The following ITSN1 variants were observed in gnomAD, a reference collection of about 807,000 sequenced individuals.
The protein encoded by ITSN1 is intersectin 1.
ITSN1 carries 58 observed loss-of-function variants against 239.8 expected under a neutral mutation model. That is an observed-to-expected ratio of 0.24 (90% confidence interval 0.20 to 0.30). The LOEUF (loss-of-function observed/expected upper bound fraction) is 0.30. Among genes scored for constraint, ITSN1 ranks in the 10% least tolerant of loss-of-function variants. The pLI, the probability that ITSN1 is intolerant of heterozygous loss-of-function variation, is 1.00. For missense variants in ITSN1, 1,558 were observed against 2,103.3 expected, an observed-to-expected ratio of 0.74 and a Z score of 5.07; for synonymous variants, 780 against 770.8, an observed-to-expected ratio of 1.01 and a Z score of -0.20.
chr21:33,828,802 A>G (rs112246523), intron 26 of ITSN1, among the ~76,000 whole-genome samples: 1 of 151,986 alleles, frequency 6.6e-6, no homozygotes, highest in Non-Finnish European at 1.5e-5. Flanking sequence ...GTCTCTTCAT[A>G]CTCAGTCTCC....
rs138217842 is a variant in ITSN1, at chr21:33,772,155, G to A, written c.1137G>A (p.Glu379=). The change falls in exon 12 of 40, where the codon GAG becomes GAA. Residue 379 remains glutamate (E), a synonymous_variant. Coordinates refer to ENST00000381318, the MANE Select transcript of ITSN1 (RefSeq NM_003024.3). Reference sequence around the variant, plus strand: ...CTCTCCTGGAACAGCAGCGCAAGGAGCAGGAGCGCCTGGCCCAGCTGGAGC... The same window carrying A: ...CTCTCCTGGAACAGCAGCGCAAGGAACAGGAGCGCCTGGCCCAGCTGGAGC... ...RQALLEQQRK[E]QERLAQLERA... 2.5e-6 allele frequency: 4 copies of A among 1,614,120 alleles called. No individual in the cohort carries two copies. The highest frequency in any genetic ancestry group is 2.7e-5 in the African/African-American group (2 of 74,938).
At chr21:33,841,498 C>G (rs1389853867) in intron 29 of ITSN1, among the ~76,000 whole-genome samples, 1 of 152,186 alleles carries the variant, frequency 6.6e-6, no homozygotes, top group Non-Finnish European at 1.5e-5. Context: ...GGAGACCATG[C>G]TGTCTCTCCA....
At chr21:33,862,260 G>T (rs1428757952) in intron 31 of ITSN1, among the ~76,000 whole-genome samples, 1 of 150,926 alleles carries the variant, frequency 6.6e-6, no homozygotes, top group Non-Finnish European at 1.5e-5. Context: ...TTTATCAAGA[G>T]GCTTTCCTGT....
intron 14 of ITSN1, among the ~76,000 whole-genome samples, chr21:33,779,532 T>C (rs1245442985): frequency 6.6e-6 from 1 of 152,184 alleles, no homozygotes; most frequent in African/African-American, 2.4e-5. Context: ...TTAGGTAGAG[T>C]GTTCCCTAAA....
At chr21:33,874,876 T>C (rs1053687711) in intron 33 of ITSN1, among the ~76,000 whole-genome samples, 1 of 152,156 alleles carries the variant, frequency 6.6e-6, no homozygotes, top group African/African-American at 2.4e-5. Flanking sequence ...CTCGATCTCT[T>C]GACCTTGTGA....
intron 1 of ITSN1, among the ~76,000 whole-genome samples, chr21:33,670,232 G>A (rs905675614): frequency 6.6e-6 from 1 of 152,116 alleles, no homozygotes; most frequent in Non-Finnish European, 1.5e-5. Context: ...ACATGTGCCT[G>A]TGGTTCCAGC....
intron 24 of ITSN1, among the ~76,000 whole-genome samples, chr21:33,819,996 T>A (rs990280925): frequency 3.2e-4 from 48 of 152,066 alleles, no homozygotes; most frequent in South Asian, 8.3e-4. Context: ...CTCAAAAAAA[T>A]AAAATAAAAT....
intron 33 of ITSN1, among the ~76,000 whole-genome samples, chr21:33,868,538 C>A (rs1982119095): frequency 6.6e-6 from 1 of 152,230 alleles, no homozygotes; most frequent in Non-Finnish European, 1.5e-5. Context: ...ACCCAGTACA[C>A]CCTCCGCAGC....
intron 1 of ITSN1, among the ~76,000 whole-genome samples, chr21:33,713,240 T>TTTTTTG (rs910914090): frequency 2.9e-4 from 44 of 151,814 alleles, no homozygotes; most frequent in Admixed American, 3.9e-4. Context: ...ATGGTAGCCT[T>TTTTTTG]TTTTTGTTTT....
chr21:33,645,224 T>A (rs1048362461), intron 1 of ITSN1, among the ~76,000 whole-genome samples: 3 of 152,206 alleles, frequency 2.0e-5, no homozygotes, highest in Non-Finnish European at 4.4e-5. Flanking sequence ...CACCTCAAAT[T>A]CTTCTGCCAT....
At chr21:33,721,387 T>C in intron 3 of ITSN1, 117 bp downstream of exon 3, 1 of 705,720 alleles carries the variant, frequency 1.4e-6, no homozygotes, top group Admixed American at 2.3e-5. Flanking sequence ...TTTACCTGTT[T>C]TGCCCTAACC....
chr21:33,759,826 A>T (rs1251970867), intron 8 of ITSN1, among the ~76,000 whole-genome samples: 1 of 152,138 alleles, frequency 6.6e-6, no homozygotes, highest in Non-Finnish European at 1.5e-5. Context: ...CAGGCCGGGC[A>T]CAGTGACTCA....
intron 39 of ITSN1, among the ~76,000 whole-genome samples, chr21:33,887,504 G>A (rs1242378945): frequency 6.6e-6 from 1 of 152,058 alleles, no homozygotes; most frequent in Non-Finnish European, 1.5e-5. Context: ...GTGGTAGCTG[G>A]TTAAATGTTT....
rs933983182 is a variant in ITSN1 at position 33,717,538 on chromosome 21, C to T, written c.-32-1259C>T. On this transcript the variant is annotated intron_variant, in intron 1 of 39. Coordinates refer to ENST00000381318, the MANE Select transcript of ITSN1 (RefSeq NM_003024.3). ...TGTGCATTTACCCTGTTAAATTAAA[C>T]GTAAGGAAAAATATTCACTAAATCT... 7.2e-5 allele frequency among the ~76,000 whole-genome samples: 11 copies of T among 152,056 alleles called. No homozygotes were observed. In the East Asian group the frequency reaches 1.2e-3, roughly 16 times the overall value.
chr21:33,824,029 C>G (rs1381836218), intron 25 of ITSN1, among the ~76,000 whole-genome samples: 1 of 152,142 alleles, frequency 6.6e-6, no homozygotes, highest in Non-Finnish European at 1.5e-5. Flanking sequence ...CAATATTTTG[C>G]CTGTATAAAC....
chr21:33,860,801 T>C (rs1037751086), intron 31 of ITSN1, among the ~76,000 whole-genome samples: 2 of 152,124 alleles, frequency 1.3e-5, no homozygotes, highest in Non-Finnish European at 2.9e-5. Flanking sequence ...ACATCCCAAG[T>C]TTTTGTCTGG....
rs144042278 is a variant in ITSN1 at position 33,747,078 on chromosome 21, C to T, written c.347-3065C>T. Among the ~76,000 whole-genome samples the T allele has an allele frequency of 3.7e-3, 570 of 152,168 alleles. 5 individuals carry two copies. The highest frequency in any genetic ancestry group is 0.013 in the African/African-American group (536 of 41,506). ...CTGAGGCAGGAGAATAACTTGAACCCGGGAAGTGGAGGCTGCAGTGAGCCA... is the reference window on the plus strand; with the variant it reads ...CTGAGGCAGGAGAATAACTTGAACCTGGGAAGTGGAGGCTGCAGTGAGCCA... On this transcript the variant is annotated intron_variant, in intron 5 of 39. Coordinates refer to ENST00000381318, the MANE Select transcript of ITSN1 (RefSeq NM_003024.3).
chr21:33,874,295 A>G (rs1191435444), intron 33 of ITSN1, among the ~76,000 whole-genome samples: 1 of 151,918 alleles, frequency 6.6e-6, no homozygotes, highest in Non-Finnish European at 1.5e-5. Flanking sequence ...TGGTCTGCTT[A>G]GAAAAGCGCA....
rs1048401543 is a variant in ITSN1 at position 33,895,951 on chromosome 21, G to A, written c.*7651G>A. ...TAAGCCAAGCTCAGGTCCCTTCTGA[G>A]TGCATAGCCCCTTGTGGCTGCCAGG... On this transcript the variant is annotated 3_prime_UTR_variant, in exon 40 of 40. Transcript: ENST00000381318. The A allele has an allele frequency of 2.6e-5, 4 of 152,272 alleles. No individual in the cohort carries two copies. The highest frequency in any genetic ancestry group is 7.2e-5 in the African/African-American group (3 of 41,430). 9.4% of individuals were successfully genotyped at this position (152,272 alleles called of 1,614,324 possible). A position where few individuals can be genotyped will look rare whatever the true frequency, so the allele number is the denominator to read the frequency against.
Sources: gnomAD v4.1 joint callset for allele counts (sites outside exome capture counted in the v4.1 genomes callset) on GRCh38, gnomAD v4.1.1 for gene constraint, MANE v1.5 for transcripts, NCBI Gene and HGNC (gene_info 2026-07-23, HGNC 2026-07-21) for gene names.